Variants in TOP3A observed in about 807,000 individuals in gnomAD.
TOP3A encodes DNA topoisomerase III alpha.
TOP3A carries 64 observed loss-of-function variants against 111.3 expected under a neutral mutation model. That is an observed-to-expected ratio of 0.57 (90% confidence interval 0.47 to 0.71). The LOEUF is 0.71. Ranked by LOEUF, TOP3A falls within the 30% of genes least tolerant of loss-of-function variation. The pLI is 0.00. For synonymous variants in TOP3A, 484 were observed against 485.1 expected (o/e 1.00, Z 0.03); for missense variants, 1,104 against 1,285.0 (o/e 0.86, Z 2.15).
intron 1 of TOP3A, 98 bp from the exon 2 acceptor site, chr17:18,309,039 G>T: frequency 1.6e-6 from 1 of 644,576 alleles, no homozygotes; most frequent in Non-Finnish European, 2.5e-6. Flanking sequence ...ATGATTTCTT[G>T]GTTATGATAC....
intron 11 of TOP3A, among the ~76,000 whole-genome samples, 177 bp from the exon 12 acceptor site, chr17:18,291,204 G>A (rs1027942269): frequency 1.3e-5 from 2 of 152,234 alleles, no homozygotes; most frequent in African/African-American, 4.8e-5. Context: ...GGTTTAGGTT[G>A]ACACATCTCA....
chr17:18,313,829 TGAGCAGGGAACTTCCACCCA>T (rs1982071018), intron 1 of TOP3A, among the ~76,000 whole-genome samples: 1 of 152,122 alleles, frequency 6.6e-6, no homozygotes, highest in Non-Finnish European at 1.5e-5. Context: ...TAAAGAAAAA[TGAGCAGGGAACTTCCACCCA>T]TGCTCTTAGA....
At chr17:18,304,678 T>C (rs1222699713) in intron 5 of TOP3A, among the ~76,000 whole-genome samples, 1 of 152,214 alleles carries the variant, frequency 6.6e-6, no homozygotes, top group African/African-American at 2.4e-5. Flanking sequence ...TTTATACATA[T>C]TCAATATGTA....
At position 18,280,582 on chromosome 17, in the gene TOP3A, T is replaced by G. The variant is rs1979694756; in HGVS notation, c.2098A>C (p.Arg700=). 6.2e-7 allele frequency: 1 copy of G among 1,613,952 alleles called. No homozygotes were observed. The highest frequency in any genetic ancestry group is 1.3e-5 in the African/African-American group (1 of 75,060). The change falls in exon 17 of 19, where the codon AGG becomes CGG. Residue 700 remains arginine, a synonymous_variant. Coordinates refer to ENST00000321105, the MANE Select transcript of TOP3A (RefSeq NM_004618.5). ...CAAACTGGACACACACTGCTGTCCC[T>G]GCTGGCCTCCAGCACCGAGTCAGGA... The part of the protein sequence containing the change: ...WLPDSVLEAS[R]DSSVCPVCQP...
intron 13 of TOP3A, among the ~76,000 whole-genome samples, chr17:18,287,751 T>C (rs945650860): frequency 2.0e-5 from 3 of 151,936 alleles, no homozygotes; most frequent in Non-Finnish European, 2.9e-5. Flanking sequence ...TCCTAACACT[T>C]TGGGAGGCCT....
At chr17:18,296,082 T>A (rs1365541193) in intron 9 of TOP3A, among the ~76,000 whole-genome samples, 1 of 152,134 alleles carries the variant, frequency 6.6e-6, no homozygotes, top group Non-Finnish European at 1.5e-5. Context: ...CTACATTTTT[T>A]AACAAGCAGT....
chr17:18,309,178 A>C (rs1981761154), intron 1 of TOP3A, among the ~76,000 whole-genome samples: 1 of 152,214 alleles, frequency 6.6e-6, no homozygotes, highest in African/African-American at 2.4e-5. Flanking sequence ...CTCCATACCC[A>C]TTAGGATAAT....
At position 18,314,478 on chromosome 17, in the gene TOP3A, G is replaced by A. The variant is rs368826077; in HGVS notation, c.180+121C>T. ...GGCCACTGCAATAATCCAGACGAGG[G>A]GCAGTGAGGCCTGAGAAATGGGAGA... On this transcript the variant is annotated intron_variant, in intron 1 of 18. Transcript: ENST00000321105. The A allele has an allele frequency of 8.8e-5, 100 of 1,139,586 alleles. 1 individual carries two copies. Among genetic ancestry groups the A allele is most frequent in the East Asian group, 5.9e-4 (22 of 37,032 alleles). The allele number at this position is 1,139,586 out of a possible 1,614,324, so 70.6% of individuals were successfully genotyped here.
rs1979191514 is a variant in TOP3A at position 18,274,329 on chromosome 17, AG to A, written c.*472del. 6.5e-6 allele frequency: 1 copy of A among 153,220 alleles called. No homozygotes were observed. The highest frequency in any genetic ancestry group is 1.5e-5 in the Non-Finnish European group (1 of 68,692). 9.5% of individuals were successfully genotyped at this position (153,220 alleles called of 1,614,324 possible). A position where few individuals can be genotyped will look rare whatever the true frequency, so the allele number is the denominator to read the frequency against. On this transcript the variant is annotated 3_prime_UTR_variant, in exon 19 of 19. Coordinates refer to ENST00000321105, the MANE Select transcript of TOP3A (RefSeq NM_004618.5). ...TCTTCTGAAGGATCAGTGTTACCAC[AG>A]CCATTTCCTTGCATTACACCGTCCT...
At chr17:18,303,649 C>A (rs775543155) in intron 5 of TOP3A, among the ~76,000 whole-genome samples, 4 of 152,092 alleles carry the variant, frequency 2.6e-5, no homozygotes, top group South Asian at 2.1e-4. Flanking sequence ...GGCACAGCAC[C>A]TTCCCTTAAA....
intron 17 of TOP3A, among the ~76,000 whole-genome samples, chr17:18,279,202 C>A: frequency 6.6e-6 from 1 of 152,040 alleles, no homozygotes; most frequent in East Asian, 1.9e-4. Flanking sequence ...TATTTTATTA[C>A]CCTAAAAAAC....
At chr17:18,290,497 T>G in intron 13 of TOP3A, 60 bp downstream of exon 13, 1 of 1,459,048 alleles carries the variant, frequency 6.9e-7, no homozygotes, top group African/African-American at 1.4e-5. Flanking sequence ...AGGAAACCTG[T>G]ACCTGGTACA....
At chr17:18,308,851 T>C in intron 2 of TOP3A, 31 bp downstream of exon 2, 2 of 1,413,308 alleles carry the variant, frequency 1.4e-6, no homozygotes, top group South Asian at 1.3e-5. Context: ...TGCTTATGAT[T>C]GAAATATTTT....
In TOP3A at chr17:18,271,982, C is replaced by A. The variant is rs1035240048; in HGVS notation, c.*2820G>T. On this transcript the variant is annotated 3_prime_UTR_variant, in exon 19 of 19. Coordinates refer to ENST00000321105, the MANE Select transcript of TOP3A (RefSeq NM_004618.5). ...TTGGGAGGCTGAGGCAGGAGAACTG[C>A]TTGAACCCAGGAGGCAGAGGTTGCA... The A allele has an allele frequency of 7.5e-6, 2 of 267,464 alleles. No individual in the cohort carries two copies. The highest frequency in any genetic ancestry group is 1.5e-5 in the Non-Finnish European group (2 of 134,412). The allele number at this position is 267,464 out of a possible 1,614,324, so 16.6% of individuals were successfully genotyped here.
At chr17:18,284,292 G>A (rs76336571) in intron 15 of TOP3A, among the ~76,000 whole-genome samples, 5 of 151,950 alleles carry the variant, frequency 3.3e-5, no homozygotes, top group East Asian at 3.9e-4. Flanking sequence ...GATTACAGGC[G>A]TGAGCCACCG....
chr17:18,291,087 C>A, intron 11 of TOP3A, 60 bp from the exon 12 acceptor site: 1 of 1,549,496 alleles, frequency 6.5e-7, no homozygotes, highest in South Asian at 1.2e-5. Context: ...AGGACAGGAG[C>A]ATCACTGGTA....
intron 9 of TOP3A, among the ~76,000 whole-genome samples, chr17:18,296,932 T>C (rs1980844489): frequency 6.6e-6 from 1 of 152,154 alleles, no homozygotes; most frequent in African/African-American, 2.4e-5. Flanking sequence ...TAAAGCAATA[T>C]TTATACAGAT....
chr17:18,299,748 C>T (rs1981107280), intron 8 of TOP3A, 115 bp from the exon 9 acceptor site: 2 of 943,952 alleles, frequency 2.1e-6, no homozygotes, highest in African/African-American at 1.6e-5. Context: ...CCAGCTAAGC[C>T]CGCAGTGACA....
chr17:18,305,742 G>T (rs1374974662), intron 4 of TOP3A, among the ~76,000 whole-genome samples: 3 of 152,098 alleles, frequency 2.0e-5, no homozygotes, highest in Non-Finnish European at 4.4e-5. Flanking sequence ...GGAAGCTGAG[G>T]CAGGAGAATG....
Sources: allele counts gnomAD v4.1 joint callset (sites outside exome capture counted in the v4.1 genomes callset), GRCh38; gene constraint gnomAD v4.1.1; transcripts MANE v1.5; gene names NCBI Gene and HGNC (gene_info 2026-07-23, HGNC 2026-07-21).